CHRM3: variants seen among roughly 807,000 people sequenced by gnomAD.
CHRM3 encodes the protein muscarinic acetylcholine receptor M3.
In CHRM3, 11 loss-of-function variants were observed where a neutral mutation model predicts 41.8. The observed-to-expected ratio is 0.26, with a 90% CI of 0.17 to 0.44. CHRM3 has a LOEUF of 0.44. Ranked by LOEUF, CHRM3 falls within the 20% of genes least tolerant of loss-of-function variation. The probability of loss-of-function intolerance (pLI) is 1.00; values close to 1 mark genes in which losing one functional copy is unlikely to be tolerated. For synonymous variants in CHRM3, 297 were observed against 301.4 expected (o/e 0.99, Z 0.15); for missense variants, 571 against 745.4 (o/e 0.77, Z 2.72).
rs951536853 is a variant in CHRM3, at chr1:239,567,498, T to TA, written c.-313+21756dup. Among the ~76,000 whole-genome samples, 7 of 152,208 alleles carry TA rather than the reference T, an allele frequency of 4.6e-5. No individual in the cohort carries two copies. In the East Asian group the frequency reaches 7.7e-4, roughly 17 times the overall value. On this transcript the variant is annotated intron_variant, in intron 3 of 6. Transcript: ENST00000676153. ...ACAACAATACGGTAGATATGCAGGG[T>TA]AAAAAAACACATTTATTTTGACTGT...
intron 3 of CHRM3, among the ~76,000 whole-genome samples, chr1:239,557,507 G>A (rs977997589): frequency 4.6e-5 from 7 of 152,154 alleles, no homozygotes; most frequent in African/African-American, 1.7e-4. Flanking sequence ...CAGGGTACAT[G>A]TGCAGGATGT....
intron 5 of CHRM3, among the ~76,000 whole-genome samples, chr1:239,733,036 A>T (rs924558163): frequency 6.6e-6 from 1 of 152,062 alleles, no homozygotes; most frequent in Non-Finnish European, 1.5e-5. Context: ...CATTACTTAG[A>T]TTCTTAGAAG....
chr1:239,867,020 G>A (rs1676169757), intron 6 of CHRM3, among the ~76,000 whole-genome samples: 2 of 152,190 alleles, frequency 1.3e-5, no homozygotes, highest in Non-Finnish European at 2.9e-5. Flanking sequence ...ACCTGCATCT[G>A]TCTGACTCTT....
intron 1 of CHRM3, among the ~76,000 whole-genome samples, chr1:239,438,376 G>A (rs6687984): frequency 0.32 from 49,246 of 151,904 alleles, 8,325 homozygotes; most frequent in African/African-American, 0.43. Context: ...CTGAAAGTGG[G>A]GTTACACTTT....
At chr1:239,805,873 T>A (rs1229807902) in intron 5 of CHRM3, among the ~76,000 whole-genome samples, 4 of 152,236 alleles carry the variant, frequency 2.6e-5, no homozygotes, top group Non-Finnish European at 5.9e-5. Flanking sequence ...AAGCACTTGA[T>A]TTCCCTTCTT....
chr1:239,584,735 C>A (rs1419728953), intron 3 of CHRM3, among the ~76,000 whole-genome samples: 2 of 152,088 alleles, frequency 1.3e-5, no homozygotes, highest in African/African-American at 4.8e-5. Flanking sequence ...ATTTAGCCCC[C>A]ACAAAGTGCC....
chr1:239,412,983 CAAGAG>C (rs1007024199), intron 1 of CHRM3, among the ~76,000 whole-genome samples: 2 of 151,526 alleles, frequency 1.3e-5, no homozygotes, highest in African/African-American at 4.9e-5. Flanking sequence ...GAGGCTGAGG[CAAGAG>C]AATTGCTTGA....
chr1:239,482,275 C>G (rs1411653648), intron 1 of CHRM3, among the ~76,000 whole-genome samples: 11 of 152,098 alleles, frequency 7.2e-5, no homozygotes, highest in Admixed American at 6.6e-4. Flanking sequence ...TATATCATGT[C>G]TCTTTTCTGC....
In CHRM3 at chr1:239,912,755, G is replaced by A. The variant is rs1031617894; in HGVS notation, c.*3531G>A. 20 of 167,160 alleles carry A rather than the reference G, an allele frequency of 1.2e-4. 1 individual carries two copies. Among genetic ancestry groups the A allele is most frequent in the Non-Finnish European group, 2.9e-5 (2 of 68,178 alleles). The allele number at this position is 167,160 out of a possible 1,614,324, so 10.4% of individuals were successfully genotyped here. A position where few individuals can be genotyped will look rare whatever the true frequency, so the allele number is the denominator to read the frequency against. The stretch of plus-strand genomic sequence containing the variant: ...GTCCTGTACCTATCTGAGTAGAGAT[G>A]ATTCAAGGATGGGGACATATTCCAG... On this transcript the variant is annotated 3_prime_UTR_variant, in exon 7 of 7. Transcript: ENST00000676153.
intron 1 of CHRM3, among the ~76,000 whole-genome samples, chr1:239,473,810 G>C (rs1666292033): frequency 1.3e-5 from 2 of 151,812 alleles, no homozygotes; most frequent in Admixed American, 1.3e-4. Flanking sequence ...GTTCTGCACT[G>C]TTAAGGCATA....
At chr1:239,740,739 C>T (rs184375756) in intron 5 of CHRM3, among the ~76,000 whole-genome samples, 5 of 151,942 alleles carry the variant, frequency 3.3e-5, no homozygotes, top group Admixed American at 3.3e-4. Flanking sequence ...TGGTCATTAG[C>T]GAAATGCAAA....
At chr1:239,645,361 T>C (rs1671656033) in intron 4 of CHRM3, among the ~76,000 whole-genome samples, 2 of 152,192 alleles carry the variant, frequency 1.3e-5, no homozygotes, top group Admixed American at 1.3e-4. Context: ...TCAATGGAGA[T>C]AGTAAATGCA....
At chr1:239,540,577 A>G (rs1658677460) in intron 2 of CHRM3, among the ~76,000 whole-genome samples, 1 of 152,174 alleles carries the variant, frequency 6.6e-6, no homozygotes, top group Non-Finnish European at 1.5e-5. Context: ...TTTTAACATA[A>G]ATTTGAATTC....
At chr1:239,885,513 T>G (rs972894743) in intron 6 of CHRM3, among the ~76,000 whole-genome samples, 2 of 152,178 alleles carry the variant, frequency 1.3e-5, no homozygotes, top group East Asian at 3.9e-4. Flanking sequence ...TTGGGCTCCT[T>G]CTTGTACCGA....
intron 1 of CHRM3, among the ~76,000 whole-genome samples, chr1:239,411,252 C>A (rs1430751603): frequency 6.6e-6 from 1 of 152,124 alleles, no homozygotes; most frequent in Non-Finnish European, 1.5e-5. Context: ...TGCAACATGT[C>A]AGGATTTTGC....
intron 1 of CHRM3, among the ~76,000 whole-genome samples, chr1:239,442,136 T>C (rs1167219851): frequency 7.3e-6 from 1 of 136,376 alleles, no homozygotes. Context: ...ACAGTTTAAA[T>C]ATACGTTAGG....
intron 3 of CHRM3, among the ~76,000 whole-genome samples, chr1:239,630,058 A>T (rs1669632007): frequency 6.6e-6 from 1 of 152,222 alleles, no homozygotes; most frequent in African/African-American, 2.4e-5. Context: ...GCTTGTTTTC[A>T]GAATGAATGT....
intron 1 of CHRM3, among the ~76,000 whole-genome samples, chr1:239,393,407 C>A (rs947098859): frequency 1.3e-5 from 2 of 152,170 alleles, no homozygotes; most frequent in Admixed American, 6.5e-5. Context: ...AAAAGAAGTT[C>A]TCATACTTGA....
rs186356977 is a variant in CHRM3, at chr1:239,861,369, G to A, written c.-20+33991G>A. Among the ~76,000 whole-genome samples the A allele has an allele frequency of 2.8e-3, 428 of 152,122 alleles. 3 individuals are homozygous for A. Among genetic ancestry groups the A allele is most frequent in the African/African-American group, 1.0e-2 (413 of 41,500 alleles). On this transcript the variant is annotated intron_variant, in intron 6 of 6. Coordinates refer to ENST00000676153, the MANE Select transcript of CHRM3 (RefSeq NM_001375978.1). Reference sequence around the variant, plus strand: ...AGTGATGATGGAGTTGAGATATGAAGGATAATTGTGTATTAACTAGCAAAA... The same window carrying A: ...AGTGATGATGGAGTTGAGATATGAAAGATAATTGTGTATTAACTAGCAAAA...
Sources: gnomAD v4.1 joint callset for allele counts (sites outside exome capture counted in the v4.1 genomes callset) on GRCh38, gnomAD v4.1.1 for gene constraint, MANE v1.5 for transcripts, NCBI Gene and HGNC (gene_info 2026-07-23, HGNC 2026-07-21) for gene names.